MLXIP: variants seen among roughly 807,000 people sequenced by gnomAD.
MLXIP encodes MLX-interacting protein.
In MLXIP, 30 loss-of-function variants were observed where a neutral mutation model predicts 87.2. The observed-to-expected ratio is 0.34, with a 90% CI of 0.26 to 0.47. MLXIP has a LOEUF of 0.47. MLXIP is among the 20% of genes least tolerant of loss of function. The probability of loss-of-function intolerance (pLI) is 1.00; values close to 1 mark genes in which losing one functional copy is unlikely to be tolerated. For synonymous variants in MLXIP, 530 were observed against 514.0 expected, an observed-to-expected ratio of 1.03 and a Z score of -0.42; for missense variants, 1,002 against 1,240.1, an observed-to-expected ratio of 0.81 and a Z score of 2.88.
At position 122,137,941 on chromosome 12, in the gene MLXIP, A is replaced by T. The variant is rs978657937; in HGVS notation, c.2155-253A>T. Among the ~76,000 whole-genome samples the T allele has an allele frequency of 6.6e-6, 1 of 152,138 alleles. No homozygotes were observed. The highest frequency in any genetic ancestry group is 2.4e-5 in the African/African-American group (1 of 41,420). On this transcript the variant is annotated intron_variant, in intron 12 of 16. Coordinates refer to ENST00000319080, the MANE Select transcript of MLXIP (RefSeq NM_014938.6). This position sits in a 1 kb window ranked among gnomAD's most constrained non-coding sequence, Gnocchi z 4.1. ...GGGTGGGGAAGGCGGAGCTTGCAGC[A>T]CCTGGGATGCACCGGTTCAGCCCTG...
chr12:122,109,559 G>A (rs1403894246), intron 1 of MLXIP, among the ~76,000 whole-genome samples: 7 of 152,224 alleles, frequency 4.6e-5, no homozygotes, highest in African/African-American at 1.7e-4. Context: ...CCGTTCATAC[G>A]TCTCAGGAGA....
rs138548664 is a variant in MLXIP, at chr12:122,116,053, A to AACACACACACACACACACAC, written c.414-11187_414-11168dup. ...GTGACAGAGCGAGACTCCATCTGAA[A>AACACACACACACACACACAC]ACACACACACACACACACACACACA... On this transcript the variant is annotated intron_variant, in intron 1 of 16. Coordinates refer to ENST00000319080, the MANE Select transcript of MLXIP (RefSeq NM_014938.6). 2.4e-3 allele frequency among the ~76,000 whole-genome samples: 352 copies of AACACACACACACACACACAC among 147,326 alleles called. 3 individuals carry two copies. Among genetic ancestry groups the AACACACACACACACACACAC allele is most frequent in the African/African-American group, 8.5e-3 (336 of 39,448 alleles).
In MLXIP at chr12:122,141,784, G is replaced by A. The variant is rs200965666; in HGVS notation, c.2732G>A (p.Arg911Lys). The change falls in exon 17 of 17, where the codon AGG (arginine) becomes AAG (lysine). Residue 911 changes from arginine to lysine, a missense_variant. This residue lies in a region of MLXIP where 746 missense variants were observed against 897.0 expected (regional missense o/e 0.83). Transcript: ENST00000319080. ...GAGCAGGCGTCCAAGGCTGTCACCAGGATTGGCAAGAGATTGGGAGAGTCC... is the reference window on the plus strand; with the variant it reads ...GAGCAGGCGTCCAAGGCTGTCACCAAGATTGGCAAGAGATTGGGAGAGTCC... ...LPEQASKAVTRIGKRLGES is the reference protein window; with the variant it reads ...LPEQASKAVTKIGKRLGES The A allele has an allele frequency of 2.3e-4, 375 of 1,613,874 alleles. No homozygotes were observed. In the African/African-American group the frequency reaches 4.3e-3, roughly 18 times the overall value.
At chr12:122,088,295 T>C (rs948146733) in intron 1 of MLXIP, among the ~76,000 whole-genome samples, 4 of 152,186 alleles carry the variant, frequency 2.6e-5, no homozygotes. Flanking sequence ...AGTCTGGTGG[T>C]GCTGGAGAAA....
At chr12:122,081,982 G>C (rs1593052936) in intron 1 of MLXIP, among the ~76,000 whole-genome samples, 1 of 152,212 alleles carries the variant, frequency 6.6e-6, no homozygotes, top group Non-Finnish European at 1.5e-5. Flanking sequence ...GCTGTTTCCA[G>C]ATGAGGTTCA....
At chr12:122,079,452 C>T (rs1386477259) in intron 1 of MLXIP, among the ~76,000 whole-genome samples, 186 bp downstream of exon 1, 2 of 152,230 alleles carry the variant, frequency 1.3e-5, no homozygotes, top group Non-Finnish European at 2.9e-5. Flanking sequence ...CTGGCCTCTT[C>T]CCCTGCCAGC....
At chr12:122,116,576 C>T (rs1024617996) in intron 1 of MLXIP, among the ~76,000 whole-genome samples, 1 of 152,178 alleles carries the variant, frequency 6.6e-6, no homozygotes, top group African/African-American at 2.4e-5. Flanking sequence ...ACTCTTCTGG[C>T]GAGGAAACCT....
chr12:122,134,244 G>A (rs1385159770), intron 9 of MLXIP: 3 of 495,900 alleles, frequency 6.0e-6, no homozygotes, highest in Non-Finnish European at 1.0e-5. Context: ...GCCCAGGCTG[G>A]AGTGCAGTGG....
chr12:122,128,024 G>C, intron 3 of MLXIP, 56 bp downstream of exon 3: 3 of 1,479,862 alleles, frequency 2.0e-6, no homozygotes, highest in Non-Finnish European at 1.9e-6. Context: ...CACCTCACCG[G>C]GAGTGGCTCA....
Position 122,143,566 on chromosome 12 carries a change from A to G in MLXIP, c.*1754A>G, listed in dbSNP as rs1390607928. The G allele has an allele frequency of 6.6e-6, 1 of 152,324 alleles. No individual in the cohort carries two copies. The highest frequency in any genetic ancestry group is 1.5e-5 in the Non-Finnish European group (1 of 68,106). 9.4% of individuals were successfully genotyped at this position (152,324 alleles called of 1,614,324 possible). On this transcript the variant is annotated 3_prime_UTR_variant, in exon 17 of 17. Coordinates refer to ENST00000319080, the MANE Select transcript of MLXIP (RefSeq NM_014938.6). ...AGGCATTGTCCCAAAGGCAGAGGCC[A>G]CCGTGGTAGGAATTCCACCAAGGCC... is the stretch of plus-strand genomic sequence containing the variant.
intron 1 of MLXIP, among the ~76,000 whole-genome samples, chr12:122,124,479 A>G (rs1019644282): frequency 2.2e-5 from 3 of 136,596 alleles, no homozygotes; most frequent in Non-Finnish European, 3.1e-5. Flanking sequence ...AGTGCAGAGC[A>G]GATGAGGCTT....
intron 1 of MLXIP, among the ~76,000 whole-genome samples, chr12:122,126,203 G>T (rs943564473): frequency 6.6e-6 from 1 of 152,238 alleles, no homozygotes; most frequent in Non-Finnish European, 1.5e-5. Flanking sequence ...CACCAGGGAG[G>T]CTGGGTTTAC....
Position 122,142,104 on chromosome 12 carries a change from G to T in MLXIP, c.*292G>T. ...CCCACACAAAAGGGAAGTGCTGGCCGTGCTGGTCCTGCCCTGCTGGTGGCC... is the reference window on the plus strand; with the variant it reads ...CCCACACAAAAGGGAAGTGCTGGCCTTGCTGGTCCTGCCCTGCTGGTGGCC... On this transcript the variant is annotated 3_prime_UTR_variant, in exon 17 of 17. Transcript: ENST00000319080. The T allele has an allele frequency of 2.9e-6, 2 of 699,882 alleles. No individual in the cohort carries two copies. Among genetic ancestry groups the T allele is most frequent in the Admixed American group, 2.0e-5 (1 of 49,792 alleles). The allele number at this position is 699,882 out of a possible 1,614,324, so 43.4% of individuals were successfully genotyped here.
At chr12:122,086,515 G>A (rs1231864876) in intron 1 of MLXIP, among the ~76,000 whole-genome samples, 2 of 152,206 alleles carry the variant, frequency 1.3e-5, no homozygotes, top group Non-Finnish European at 2.9e-5. Context: ...GGATTTATGT[G>A]ATGGCTGATG....
chr12:122,129,552 A>G (rs1952937587), intron 4 of MLXIP, 36 bp from the exon 5 acceptor site: 1 of 1,611,558 alleles, frequency 6.2e-7, no homozygotes, highest in African/African-American at 1.3e-5. Flanking sequence ...TCCTAGGGCC[A>G]TTGGTGACCG....
At chr12:122,134,193 T>G (rs1415595648) in intron 9 of MLXIP, 1 of 680,024 alleles carries the variant, frequency 1.5e-6, no homozygotes, top group Non-Finnish European at 2.2e-6. Context: ...ATCTTTTTTG[T>G]TTTTTTGTTT....
chr12:122,112,260 A>T (rs1160753603), intron 1 of MLXIP, among the ~76,000 whole-genome samples: 2 of 152,208 alleles, frequency 1.3e-5, no homozygotes, highest in African/African-American at 4.8e-5. Context: ...AACTAGTTGG[A>T]ATTTGTTTTT....
At chr12:122,114,943 C>T (rs1301433397) in intron 1 of MLXIP, among the ~76,000 whole-genome samples, 2 of 151,756 alleles carry the variant, frequency 1.3e-5, no homozygotes, top group African/African-American at 4.8e-5. Flanking sequence ...GATGGGGTTT[C>T]ATCATGTTGG....
At chr12:122,093,664 G>A (rs1454412501) in intron 1 of MLXIP, among the ~76,000 whole-genome samples, 6 of 136,582 alleles carry the variant, frequency 4.4e-5, no homozygotes, top group Non-Finnish European at 6.3e-5. Context: ...GTGTTGATAT[G>A]TGTGTGTGGT....
Sources: gnomAD v4.1 joint callset for allele counts (sites outside exome capture counted in the v4.1 genomes callset) on GRCh38, gnomAD v4.1.1 for gene constraint, gnomAD v4.1.1 regional missense constraint, Gnocchi (gnomAD v3.1) non-coding constraint, MANE v1.5 for transcripts, NCBI Gene and HGNC (gene_info 2026-07-23, HGNC 2026-07-21) for gene names.